The following CEP128 variants were observed in gnomAD, a reference collection of about 807,000 sequenced individuals.
CEP128 encodes centrosomal protein 128.
In CEP128, 132 loss-of-function variants were observed where a neutral mutation model predicts 156.7. The ratio of observed to expected loss-of-function variants is 0.84; its 90% CI spans 0.73 to 0.97. The LOEUF is 0.97. Ranked by LOEUF, CEP128 falls within the 50% of genes least tolerant of loss-of-function variation. The pLI is 0.00. For synonymous variants in CEP128, 469 were observed against 448.9 expected, an observed-to-expected ratio of 1.04 and a Z score of -0.57; for missense variants, 1,252 against 1,281.9, an observed-to-expected ratio of 0.98 and a Z score of 0.36.
At chr14:80,886,490 A>G (rs1308540256) in intron 8 of CEP128, among the ~76,000 whole-genome samples, 1 of 152,254 alleles carries the variant, frequency 6.6e-6, no homozygotes, top group Non-Finnish European at 1.5e-5. Flanking sequence ...TTCTTAAAGA[A>G]AAGAATTTTC....
chr14:80,912,372 C>T (rs1247865199), intron 4 of CEP128, among the ~76,000 whole-genome samples: 8 of 152,046 alleles, frequency 5.3e-5, no homozygotes, highest in East Asian at 3.9e-4. Flanking sequence ...ATTGGGTATA[C>T]ATAATTTAAT....
chr14:80,543,801 C>T (rs1344463673), intron 21 of CEP128, among the ~76,000 whole-genome samples: 1 of 152,100 alleles, frequency 6.6e-6, no homozygotes, highest in African/African-American at 2.4e-5. Context: ...TTGGTCTTGC[C>T]AAAACAATTT....
chr14:80,919,143 G>A (rs761327119), intron 2 of CEP128, among the ~76,000 whole-genome samples: 14 of 152,028 alleles, frequency 9.2e-5, no homozygotes, highest in Non-Finnish European at 1.8e-4. Context: ...ATGAGAACAA[G>A]GAACAAAATA....
intron 19 of CEP128, among the ~76,000 whole-genome samples, chr14:80,607,341 T>C (rs1440660546): frequency 6.6e-6 from 1 of 151,904 alleles, no homozygotes; most frequent in East Asian, 1.9e-4. Context: ...AGGAAGGAGA[T>C]GGAGTGAGAA....
At chr14:80,682,722 T>A (rs117571947) in intron 19 of CEP128, among the ~76,000 whole-genome samples, 1,689 of 152,248 alleles carry the variant, frequency 0.011, 24 homozygotes, top group Non-Finnish European at 0.014. Context: ...CAAAGGGAAC[T>A]CAATCAGGCT....
chr14:80,809,475 C>T (rs1884380656), intron 13 of CEP128, among the ~76,000 whole-genome samples: 1 of 152,056 alleles, frequency 6.6e-6, no homozygotes. Flanking sequence ...CTTCTCAAGT[C>T]TTGAGAAATA....
chr14:80,772,447 T>G (rs750840283), intron 16 of CEP128, among the ~76,000 whole-genome samples: 2 of 152,144 alleles, frequency 1.3e-5, no homozygotes, highest in Non-Finnish European at 2.9e-5. Context: ...CCATCCATCC[T>G]GCTGACAGCC....
intron 19 of CEP128, among the ~76,000 whole-genome samples, chr14:80,713,391 T>C (rs1210065253): frequency 2.6e-5 from 4 of 152,128 alleles, no homozygotes. Flanking sequence ...TGGTCAAGCA[T>C]GGCCTTTTCA....
chr14:80,836,035 G>A (rs977959412), intron 12 of CEP128, among the ~76,000 whole-genome samples, 170 bp downstream of exon 12: 1 of 152,180 alleles, frequency 6.6e-6, no homozygotes, highest in African/African-American at 2.4e-5. Flanking sequence ...ATTAAAATGG[G>A]ATGATGCTGA....
At chr14:80,722,100 T>C (rs1897839365) in intron 19 of CEP128, among the ~76,000 whole-genome samples, 2 of 152,282 alleles carry the variant, frequency 1.3e-5, no homozygotes, top group African/African-American at 4.8e-5. Context: ...CTAAAAGAAA[T>C]GTAAGAGGGC....
At chr14:80,663,558 T>C (rs1312155911) in intron 19 of CEP128, among the ~76,000 whole-genome samples, 5 of 152,120 alleles carry the variant, frequency 3.3e-5, no homozygotes, top group African/African-American at 1.2e-4. Flanking sequence ...CACAATGATA[T>C]CAATCACAAT....
intron 8 of CEP128, among the ~76,000 whole-genome samples, chr14:80,876,844 C>A (rs1888308116): frequency 6.6e-6 from 1 of 152,144 alleles, no homozygotes. Flanking sequence ...GGCATATGCA[C>A]ACTCACCCTA....
chr14:80,898,557 T>C (rs74630051), intron 7 of CEP128, among the ~76,000 whole-genome samples: 6,269 of 152,248 alleles, frequency 0.041, 166 homozygotes, highest in Non-Finnish European at 0.064. Flanking sequence ...ACTAATCAAC[T>C]AAATCATCCC....
chr14:80,718,899 G>A (rs1226909127), intron 19 of CEP128, among the ~76,000 whole-genome samples: 1 of 152,160 alleles, frequency 6.6e-6, no homozygotes, highest in African/African-American at 2.4e-5. Flanking sequence ...TTAGTTCTCT[G>A]CTATCACTGA....
At chr14:80,839,048 G>A (rs1253243693) in intron 10 of CEP128, among the ~76,000 whole-genome samples, 2 of 152,052 alleles carry the variant, frequency 1.3e-5, no homozygotes, top group African/African-American at 2.4e-5. Flanking sequence ...GCAGTGAGCC[G>A]AAATCGCGCC....
intron 19 of CEP128, among the ~76,000 whole-genome samples, chr14:80,737,401 C>T (rs1898591124): frequency 7.2e-6 from 1 of 139,338 alleles, no homozygotes; most frequent in Non-Finnish European, 1.5e-5. Flanking sequence ...AAGACTCTGT[C>T]TGAAAAAAGA....
chr14:80,946,366 GA>G (rs1886345105), upstream of CEP128, among the ~76,000 whole-genome samples: 5 of 140,864 alleles, frequency 3.5e-5, no homozygotes, highest in Admixed American at 2.7e-4. Flanking sequence ...GATGCCTCAT[GA>G]TGCATCATGA....
intron 8 of CEP128, among the ~76,000 whole-genome samples, chr14:80,874,805 A>T (rs531012631): frequency 6.6e-6 from 1 of 152,160 alleles, no homozygotes; most frequent in Admixed American, 6.5e-5. Context: ...TTTTTAGTAG[A>T]GACGGGGTTT....
chr14:80,739,086 G>A (rs980050444), intron 19 of CEP128, among the ~76,000 whole-genome samples: 1 of 152,158 alleles, frequency 6.6e-6, no homozygotes, highest in Non-Finnish European at 1.5e-5. Context: ...CAAATCCAGT[G>A]GCTACTTCTC....
Sources: gnomAD v4.1 joint callset for allele counts (sites outside exome capture counted in the v4.1 genomes callset) on GRCh38, gnomAD v4.1.1 for gene constraint, MANE v1.5 for transcripts, NCBI Gene and HGNC (gene_info 2026-07-23, HGNC 2026-07-21) for gene names.